The following LIPE variants were observed in gnomAD, a reference collection of about 807,000 sequenced individuals.
LIPE encodes lipase E, hormone sensitive type, also known as hormone-sensitive lipase.
In LIPE, 66 loss-of-function variants were observed where a neutral mutation model predicts 88.5. The observed-to-expected ratio is 0.75, with a 90% CI of 0.61 to 0.91. The LOEUF (loss-of-function observed/expected upper bound fraction) is 0.91. LIPE is among the 40% of genes least tolerant of loss of function. LIPE has a pLI of 0.00. For synonymous variants in LIPE, 570 were observed against 617.5 expected (o/e 0.92, Z 1.14); for missense variants, 1,346 against 1,434.7 (o/e 0.94, Z 1.00).
rs185777119 is a variant in LIPE at position 42,409,786 on chromosome 19, T to G, written c.1419+521A>C. Among the ~76,000 whole-genome samples the G allele has an allele frequency of 2.2e-4, 33 of 152,288 alleles. 1 individual carries two copies. The East Asian group carries it at 3.7e-3, about 17-fold the overall frequency. On this transcript the variant is annotated intron_variant, in intron 2 of 9. Transcript: ENST00000244289. ...GAGCTGGCTGGCCCAGCTGGGCTGATCAATACTTGTGGGTTCAGCCCTGGT... is the reference window on the plus strand; with the variant it reads ...GAGCTGGCTGGCCCAGCTGGGCTGAGCAATACTTGTGGGTTCAGCCCTGGT...
intron 1 of LIPE, chr19:42,423,547 C>T (rs2040644676): frequency 8.0e-7 from 1 of 1,243,494 alleles, no homozygotes; most frequent in Non-Finnish European, 1.0e-6. Flanking sequence ...CAATTCCCCG[C>T]GGTCCTCCCG....
chr19:42,403,211 TGGCAGTGG>T (rs959847297), intron 8 of LIPE, among the ~76,000 whole-genome samples, 180 bp from the exon 9 acceptor site: 1 of 146,442 alleles, frequency 6.8e-6, no homozygotes, highest in African/African-American at 2.6e-5. Flanking sequence ...GTGGGGGTCT[TGGCAGTGG>T]GGCAGTGTGT....
At position 42,410,014 on chromosome 19, in the gene LIPE, A is replaced by G. The variant is rs2040322400; in HGVS notation, c.1419+293T>C. On this transcript the variant is annotated intron_variant, in intron 2 of 9. Transcript: ENST00000244289. This position sits in a 1 kb window ranked among gnomAD's most constrained non-coding sequence, Gnocchi z 6.1. ...TGACTTCAGGGGCCAGACAGGTAAC[A>G]AAGAGTGAATACATCTCTTGCATGT... 6.6e-6 allele frequency among the ~76,000 whole-genome samples: 1 copy of G among 152,178 alleles called. No individual in the cohort carries two copies. The highest frequency in any genetic ancestry group is 6.5e-5 in the Admixed American group (1 of 15,288).
chr19:42,420,114 A>G (rs914718686), intron 1 of LIPE, among the ~76,000 whole-genome samples: 2 of 151,172 alleles, frequency 1.3e-5, no homozygotes, highest in Non-Finnish European at 2.9e-5. Context: ...GGGAGAGACC[A>G]TTATCATCCC....
In LIPE at chr19:42,407,354, C is replaced by T. The variant is rs368796207; in HGVS notation, c.1957G>A (p.Gly653Ser). 24 of 1,612,926 alleles carry T rather than the reference C, an allele frequency of 1.5e-5. No homozygotes were observed. The Admixed American group carries it at 2.2e-4, about 15-fold the overall frequency. The change falls in exon 6 of 10, where the codon GGT becomes AGT. Residue 653 changes from glycine to serine, a missense_variant. Gly to Ser is a moderately conservative substitution (Grantham distance 56). Coordinates refer to ENST00000244289, the MANE Select transcript of LIPE (RefSeq NM_005357.4). The surrounding 1 kb of genome is among the most constrained non-coding windows in gnomAD (Gnocchi z 5.8). ...CTGGAGGTCTGGGCCACAAAGCCAC[C>T]GCCGTGGAAGTGCACTATCAGGGAC... Reference protein sequence around the residue: ...SRSLIVHFHGGGFVAQTSRSH... With the variant: ...SRSLIVHFHGSGFVAQTSRSH...
chr19:42,415,193 T>C (rs968624977), intron 1 of LIPE, among the ~76,000 whole-genome samples: 1 of 151,940 alleles, frequency 6.6e-6, no homozygotes, highest in African/African-American at 2.4e-5. Context: ...GATCACACCA[T>C]TGTACTCCAG....
In LIPE at chr19:42,407,089, G is replaced by C. The variant is rs1054735266; in HGVS notation, c.2137+85C>G. The stretch of plus-strand genomic sequence containing the variant: ...GGTGTGGGGGGAGAGAAAGGTAGAG[G>C]GTGTGAGGCTGAGGCTGGAGGAGCT... On this transcript the variant is annotated intron_variant, in intron 6 of 9. Transcript: ENST00000244289. The surrounding 1 kb of genome is among the most constrained non-coding windows in gnomAD (Gnocchi z 5.8). The C allele has an allele frequency of 1.7e-6, 2 of 1,184,602 alleles. No individual in the cohort carries two copies. Among genetic ancestry groups the C allele is most frequent in the African/African-American group, 3.1e-5 (2 of 64,752 alleles). The allele number at this position is 1,184,602 out of a possible 1,614,324, so 73.4% of individuals were successfully genotyped here. A position where few individuals can be genotyped will look rare whatever the true frequency, so the allele number is the denominator to read the frequency against.
At position 42,410,734 on chromosome 19, in the gene LIPE, G is replaced by A; in HGVS notation, c.992C>T (p.Ala331Val). The stretch of plus-strand genomic sequence containing the variant: ...GGCAAAAACGCCTGACAGCCGCTGG[G>A]CCGTTTCCCCAGGACCCTGGCTCGA... ...FFSSQGPGET[A>V]QRLSGVFAGV... Residue 331 changes from alanine to valine, a missense_variant, in exon 2 of 10, where the codon GCC becomes GTC. Transcript: ENST00000244289. This position sits in a 1 kb window ranked among gnomAD's most constrained non-coding sequence, Gnocchi z 6.1. The A allele has an allele frequency of 1.2e-6, 2 of 1,613,928 alleles. No homozygotes were observed. Among genetic ancestry groups the A allele is most frequent in the Non-Finnish European group, 8.5e-7 (1 of 1,179,842 alleles).
intron 1 of LIPE, chr19:42,423,760 A>C: frequency 2.7e-6 from 3 of 1,115,682 alleles, no homozygotes; most frequent in South Asian, 4.0e-5. Flanking sequence ...CGCGCATTAA[A>C]GGGCTCGCGG....
intron 1 of LIPE, chr19:42,411,384 A>T: frequency 1.0e-6 from 1 of 966,284 alleles, no homozygotes; most frequent in Non-Finnish European, 1.2e-6. Context: ...CTAGATTCCA[A>T]GAAGTCTAAA....
In LIPE at chr19:42,410,457, G is replaced by A. The variant is rs34044249; in HGVS notation, c.1269C>T (p.Arg423=). 5.9e-3 allele frequency: 9,480 copies of A among 1,614,088 alleles called. 417 individuals carry two copies. The African/African-American group carries it at 0.1, about 17-fold the overall frequency. Residue 423 remains arginine, a synonymous_variant, in exon 2 of 10, where the codon CGC becomes CGT. Transcript: ENST00000244289. This position sits in a 1 kb window ranked among gnomAD's most constrained non-coding sequence, Gnocchi z 6.1. ...GGCGCTGGGCGTAGTAGACCAGAGCGCGGAGCTGGGTGAGGGCAGCCAGGT... is the reference window on the plus strand; with the variant it reads ...GGCGCTGGGCGTAGTAGACCAGAGCACGGAGCTGGGTGAGGGCAGCCAGGT... ...EAYLAALTQL[R]ALVYYAQRLL...
At chr19:42,418,612 G>C (rs1025011580) in intron 1 of LIPE, among the ~76,000 whole-genome samples, 1 of 151,944 alleles carries the variant, frequency 6.6e-6, no homozygotes, top group African/African-American at 2.4e-5. Flanking sequence ...CTAGGAGTTC[G>C]AGACTAGCCT....
Position 42,418,177 on chromosome 19 carries a change from T to C in LIPE, c.884-7335A>G, listed in dbSNP as rs575046408. Among the ~76,000 whole-genome samples the C allele has an allele frequency of 3.6e-3, 555 of 152,186 alleles. 4 individuals carry two copies. Among genetic ancestry groups the C allele is most frequent in the African/African-American group, 0.013 (523 of 41,518 alleles). ...TTAGTATTTTTAGTAGAGACGGGGT[T>C]TTACCATGTTGGCCAGGCTGGCCTC... On this transcript the variant is annotated intron_variant, in intron 1 of 9. Transcript: ENST00000244289.
At chr19:42,426,054 G>A (rs1426768294) in intron 1 of LIPE, among the ~76,000 whole-genome samples, 3 of 150,010 alleles carry the variant, frequency 2.0e-5, no homozygotes, top group Non-Finnish European at 4.4e-5. Context: ...CATCTGCCTC[G>A]GCCTCCCAAA....
Position 42,410,719 on chromosome 19 carries a change from C to G in LIPE, c.1007G>C (p.Gly336Ala). The change falls in exon 2 of 10, where the codon GGC becomes GCC. Residue 336 changes from glycine to alanine, a missense_variant. Gly to Ala is a moderately conservative substitution (Grantham distance 60, BLOSUM62 0). Transcript: ENST00000244289. This position sits in a 1 kb window ranked among gnomAD's most constrained non-coding sequence, Gnocchi z 6.1. ...CTGCTCCCGTACACCGGCAAAAACGCCTGACAGCCGCTGGGCCGTTTCCCC... is the reference window on the plus strand; with the variant it reads ...CTGCTCCCGTACACCGGCAAAAACGGCTGACAGCCGCTGGGCCGTTTCCCC... Reference protein sequence around the residue: ...GPGETAQRLSGVFAGVREQAL... With the variant: ...GPGETAQRLSAVFAGVREQAL... 2 of 1,613,886 alleles carry G rather than the reference C, an allele frequency of 1.2e-6. No individual in the cohort carries two copies. Among genetic ancestry groups the G allele is most frequent in the Non-Finnish European group, 1.7e-6 (2 of 1,179,820 alleles).
intron 8 of LIPE, 157 bp from the exon 9 acceptor site, chr19:42,403,188 C>T: frequency 1.4e-6 from 1 of 692,182 alleles, no homozygotes; most frequent in East Asian, 2.9e-5. Flanking sequence ...TCCAGATGCC[C>T]CAGGTGGTCA....
At chr19:42,413,936 G>C (rs1368053064) in intron 1 of LIPE, among the ~76,000 whole-genome samples, 2 of 152,200 alleles carry the variant, frequency 1.3e-5, no homozygotes, top group Non-Finnish European at 1.5e-5. Context: ...GCAGACAGAT[G>C]GATAGACAGA....
intron 1 of LIPE, among the ~76,000 whole-genome samples, chr19:42,411,741 C>T (rs913901206): frequency 1.1e-4 from 16 of 152,210 alleles, no homozygotes; most frequent in African/African-American, 3.9e-4. Context: ...TCAGGCTTGT[C>T]CACTGGTCCT....
Position 42,410,790 on chromosome 19 carries a change from C to A in LIPE, c.936G>T (p.Val312=). The A allele has an allele frequency of 6.3e-7, 1 of 1,596,704 alleles. No homozygotes were observed. Among genetic ancestry groups the A allele is most frequent in the Non-Finnish European group, 8.6e-7 (1 of 1,169,560 alleles). ...MDLRTMTQSL[V]TLAEDNIAFF... is the part of the protein sequence containing the mutation. ...AGGCTATGTTGTCCTCCGCCAGAGTCACCAGCGACTGTGTCATTGTGCGCA... is the reference window on the plus strand; with the variant it reads ...AGGCTATGTTGTCCTCCGCCAGAGTAACCAGCGACTGTGTCATTGTGCGCA... Residue 312 remains valine, a synonymous_variant, in exon 2 of 10, where the codon GTG becomes GTT. Coordinates refer to ENST00000244289, the MANE Select transcript of LIPE (RefSeq NM_005357.4). The surrounding 1 kb of genome is among the most constrained non-coding windows in gnomAD (Gnocchi z 6.1).
Sources: allele counts gnomAD v4.1 joint callset (sites outside exome capture counted in the v4.1 genomes callset), GRCh38; gene constraint gnomAD v4.1.1; non-coding constraint Gnocchi (gnomAD v3.1); transcripts MANE v1.5; gene names NCBI Gene and HGNC (gene_info 2026-07-23, HGNC 2026-07-21).